OLFML2A: variants seen among roughly 807,000 people sequenced by gnomAD.
The protein encoded by OLFML2A is olfactomedin-like protein 2A.
A neutral mutation model predicts 60.9 loss-of-function variants in OLFML2A; 47 were observed. The ratio of observed to expected loss-of-function variants is 0.77; its 90% CI spans 0.61 to 0.98. The LOEUF (loss-of-function observed/expected upper bound fraction) is 0.98, where lower values mean the gene tolerates loss of function less well. OLFML2A is among the 50% of genes least tolerant of loss of function. The pLI is 0.00. For missense variants in OLFML2A, 922 were observed against 879.8 expected (o/e 1.05, Z -0.61); for synonymous variants, 372 against 375.0 (o/e 0.99, Z 0.09).
chr9:124,792,453 G>T (rs1339010178), intron 2 of OLFML2A, among the ~76,000 whole-genome samples: 1 of 152,214 alleles, frequency 6.6e-6, no homozygotes, highest in Non-Finnish European at 1.5e-5. Flanking sequence ...CCTGTGTGTT[G>T]CTGTGTCCTT....
At chr9:124,805,881 T>A (rs1841889408) in intron 6 of OLFML2A, among the ~76,000 whole-genome samples, 1 of 139,532 alleles carries the variant, frequency 7.2e-6, no homozygotes, top group African/African-American at 2.7e-5. Context: ...AGTAGCGTGA[T>A]CTCAGCTCAC....
chr9:124,787,621 A>ACGAT (rs1231736120), intron 2 of OLFML2A, among the ~76,000 whole-genome samples: 1 of 151,272 alleles, frequency 6.6e-6, no homozygotes, highest in Non-Finnish European at 1.5e-5. Flanking sequence ...GTGCAGTGGC[A>ACGAT]CGATCTCGGC....
chr9:124,783,234 G>A lies in OLFML2A; in HGVS notation c.91-3741G>A, dbSNP rs540643235. 6.6e-4 allele frequency among the ~76,000 whole-genome samples: 101 copies of A among 152,256 alleles called. 1 individual carries two copies. The South Asian group carries it at 0.018, about 27-fold the overall frequency. On this transcript the variant is annotated intron_variant, in intron 1 of 7. Coordinates refer to ENST00000373580, the MANE Select transcript of OLFML2A (RefSeq NM_182487.4). ...CGCCTGTAATCCCAGCTTTTTGGGCGGCCAAGGTGGGAGGATCACTTGAGC... is the reference window on the plus strand; with the variant it reads ...CGCCTGTAATCCCAGCTTTTTGGGCAGCCAAGGTGGGAGGATCACTTGAGC...
chr9:124,802,061 G>A (rs1841789167), intron 5 of OLFML2A, among the ~76,000 whole-genome samples: 2 of 152,112 alleles, frequency 1.3e-5, no homozygotes, highest in Admixed American at 1.3e-4. Flanking sequence ...TGAGGGGCAG[G>A]AGAATACCGG....
At chr9:124,804,014 G>A in intron 5 of OLFML2A, 80 bp from the exon 6 acceptor site, 1 of 1,496,642 alleles carries the variant, frequency 6.7e-7, no homozygotes, top group South Asian at 1.3e-5. Flanking sequence ...CCCCTGAGAT[G>A]GGGGCCCAGT....
chr9:124,797,156 T>G (rs1206972829), intron 3 of OLFML2A, among the ~76,000 whole-genome samples: 1 of 152,172 alleles, frequency 6.6e-6, no homozygotes, highest in Non-Finnish European at 1.5e-5. Context: ...GTTTTTTGTG[T>G]TTTTTGTAGA....
intron 2 of OLFML2A, among the ~76,000 whole-genome samples, chr9:124,789,275 C>G (rs1841532720): frequency 6.6e-6 from 1 of 152,128 alleles, no homozygotes; most frequent in South Asian, 2.1e-4. Context: ...TAACTTCTCC[C>G]TCTATTTTGC....
chr9:124,810,223 G>A lies in OLFML2A; in HGVS notation c.1770G>A (p.Thr590=), dbSNP rs764873477. 54 of 1,613,392 alleles carry A rather than the reference G, an allele frequency of 3.3e-5. No homozygotes were observed. Among genetic ancestry groups the A allele is most frequent in the South Asian group, 2.3e-4 (21 of 91,086 alleles). ...GCGGCATCCTGTATGCCGTGGACACGTACAACCAGCAGGAAGGCCAGGTCG... is the reference window on the plus strand; with the variant it reads ...GCGGCATCCTGTATGCCGTGGACACATACAACCAGCAGGAAGGCCAGGTCG... ...LVCGILYAVD[T]YNQQEGQVAY... Residue 590 remains threonine, a synonymous_variant, in exon 8 of 8, where the codon ACG becomes ACA. Transcript: ENST00000373580.
chr9:124,809,760 G>A (rs779284672), intron 7 of OLFML2A, 48 bp from the exon 8 acceptor site: 1 of 1,551,058 alleles, frequency 6.4e-7, no homozygotes, highest in Non-Finnish European at 8.7e-7. Flanking sequence ...ATGTGGGTGG[G>A]CTGGGGTTGC....
At position 124,814,368 on chromosome 9, in the gene OLFML2A, C is replaced by G. The variant is rs916755121; in HGVS notation, c.*3956C>G. 1 of 152,256 alleles carries G rather than the reference C, an allele frequency of 6.6e-6. No homozygotes were observed. Among genetic ancestry groups the G allele is most frequent in the Non-Finnish European group, 1.5e-5 (1 of 68,106 alleles). The allele number at this position is 152,256 out of a possible 1,614,324, so 9.4% of individuals were successfully genotyped here. A position where few individuals can be genotyped will look rare whatever the true frequency, so the allele number is the denominator to read the frequency against. ...CCACAGGTTTGGTCAAGTTCTCTCCCGCTCAGGGTAGGGCTGTGAACTCCC... is the reference window on the plus strand; with the variant it reads ...CCACAGGTTTGGTCAAGTTCTCTCCGGCTCAGGGTAGGGCTGTGAACTCCC... On this transcript the variant is annotated 3_prime_UTR_variant, in exon 8 of 8. Transcript: ENST00000373580.
chr9:124,783,747 A>G (rs1326280622), intron 1 of OLFML2A, among the ~76,000 whole-genome samples: 1 of 152,220 alleles, frequency 6.6e-6, no homozygotes, highest in Admixed American at 6.5e-5. Flanking sequence ...CAGGCCAGGC[A>G]AGCACTGTTA....
At chr9:124,801,345 G>C in intron 4 of OLFML2A, 69 bp from the exon 5 acceptor site, 1 of 1,537,162 alleles carries the variant, frequency 6.5e-7, no homozygotes, top group East Asian at 2.3e-5. Flanking sequence ...CCCACATGCT[G>C]AGCCCCCAGG....
In OLFML2A at chr9:124,795,367, C is replaced by T. The variant is rs557323248; in HGVS notation, c.462+236C>T. On this transcript the variant is annotated intron_variant, in intron 3 of 7. Coordinates refer to ENST00000373580, the MANE Select transcript of OLFML2A (RefSeq NM_182487.4). Reference sequence around the variant, plus strand: ...CTGAGTGGAGAAACCGAGGCACCTGCTGGTTGTATGAAAGGGGTTCAGAGG... The same window carrying T: ...CTGAGTGGAGAAACCGAGGCACCTGTTGGTTGTATGAAAGGGGTTCAGAGG... 1.0e-3 allele frequency among the ~76,000 whole-genome samples: 159 copies of T among 152,336 alleles called. 2 individuals are homozygous for T. The highest frequency in any genetic ancestry group is 4.6e-3 in the South Asian group (22 of 4,832).
chr9:124,806,112 G>A (rs901905943), intron 6 of OLFML2A, among the ~76,000 whole-genome samples: 3 of 151,386 alleles, frequency 2.0e-5, no homozygotes, highest in Non-Finnish European at 4.4e-5. Flanking sequence ...ATTTTTCTCT[G>A]GATAATGGCA....
chr9:124,808,392 C>T (rs535015618), intron 7 of OLFML2A, among the ~76,000 whole-genome samples: 2 of 152,276 alleles, frequency 1.3e-5, no homozygotes, highest in East Asian at 3.9e-4. Context: ...CAGGTCTTAG[C>T]GGAGCTGCAG....
At chr9:124,785,048 G>A (rs1841435914) in intron 1 of OLFML2A, among the ~76,000 whole-genome samples, 1 of 137,650 alleles carries the variant, frequency 7.3e-6, no homozygotes, top group Non-Finnish European at 1.5e-5. Flanking sequence ...TGACCTCCCA[G>A]GCTCAAGTGA....
At position 124,777,222 on chromosome 9, in the gene OLFML2A, T is replaced by C. The variant is rs541429328; in HGVS notation, c.-49T>C. 5 of 741,642 alleles carry C rather than the reference T, an allele frequency of 6.7e-6. No homozygotes were observed. Among genetic ancestry groups the C allele is most frequent in the Admixed American group, 4.5e-5 (1 of 22,082 alleles). 45.9% of individuals were successfully genotyped at this position (741,642 alleles called of 1,614,324 possible). On this transcript the variant is annotated 5_prime_UTR_variant, in exon 1 of 8. Transcript: ENST00000373580. The surrounding 1 kb of genome is among the most constrained non-coding windows in gnomAD (Gnocchi z 6.2). ...GCGGAGCTCGCAGTGCAGCCCGCGC[T>C]TCCCAGCGTCCGTGCCCGGCCGCCT...
chr9:124,807,849 C>T lies in OLFML2A; in HGVS notation c.1237C>T (p.Arg413Cys), dbSNP rs749553303. The T allele has an allele frequency of 1.1e-5, 17 of 1,614,002 alleles. No homozygotes were observed. The East Asian group carries it at 1.8e-4, about 17-fold the overall frequency. The change falls in exon 7 of 8, where the codon CGC becomes TGC. Residue 413 changes from arginine (R) to cysteine (C), a missense_variant. Transcript: ENST00000373580. ...DPPVRHHSYG[R>C]HEGAWMKDPA... The stretch of plus-strand genomic sequence containing the variant: ...CCCTGTGAGGCACCACAGCTATGGG[C>T]GCCACGAGGGAGCCTGGATGAAGGA...
intron 3 of OLFML2A, 102 bp downstream of exon 3, chr9:124,795,233 A>G (rs1841647946): frequency 1.6e-6 from 1 of 627,424 alleles, no homozygotes; most frequent in Non-Finnish European, 2.9e-6. Flanking sequence ...CCTGGTGACC[A>G]TGGGAAGCCA....
Sources: gnomAD v4.1 joint callset for allele counts (sites outside exome capture counted in the v4.1 genomes callset) on GRCh38, gnomAD v4.1.1 for gene constraint, Gnocchi (gnomAD v3.1) non-coding constraint, MANE v1.5 for transcripts, NCBI Gene and HGNC (gene_info 2026-07-23, HGNC 2026-07-21) for gene names.